Variants in CNTN5 observed in about 807,000 individuals in gnomAD.
CNTN5 encodes contactin-5.
CNTN5 carries 77 observed loss-of-function variants against 129.1 expected under a neutral mutation model. That is an observed-to-expected ratio of 0.60 (90% CI 0.50 to 0.72). CNTN5 has a LOEUF of 0.72. Ranked by LOEUF, CNTN5 falls within the 30% of genes least tolerant of loss-of-function variation. The pLI is 0.00. For missense variants in CNTN5, 1,478 were observed against 1,328.8 expected, an observed-to-expected ratio of 1.11 and a Z score of -1.75; for synonymous variants, 509 against 465.6, an observed-to-expected ratio of 1.09 and a Z score of -1.20.
intron 1 of CNTN5, among the ~76,000 whole-genome samples, chr11:99,151,654 A>C (rs2135489127): frequency 6.6e-6 from 1 of 152,326 alleles, no homozygotes; most frequent in Middle Eastern, 3.4e-3. Context: ...GAACCAACCC[A>C]AATGCCCATC....
intron 3 of CNTN5, among the ~76,000 whole-genome samples, chr11:99,627,212 C>G (rs765922182): frequency 5.3e-5 from 8 of 152,146 alleles, no homozygotes; most frequent in Non-Finnish European, 8.8e-5. Flanking sequence ...TGACTAGATT[C>G]TAGCAGCTAT....
intron 15 of CNTN5, among the ~76,000 whole-genome samples, chr11:100,214,042 T>C (rs1949088474): frequency 6.6e-6 from 1 of 152,144 alleles, no homozygotes; most frequent in African/African-American, 2.4e-5. Context: ...TATTTACTAG[T>C]ATTGCCAAAA....
At chr11:100,041,062 C>T (rs776508849) in intron 9 of CNTN5, among the ~76,000 whole-genome samples, 8 of 152,202 alleles carry the variant, frequency 5.3e-5, no homozygotes, top group Non-Finnish European at 7.3e-5. Flanking sequence ...CCATCTTCTG[C>T]GTCACTCACA....
At chr11:99,418,450 C>T (rs944675443) in intron 2 of CNTN5, among the ~76,000 whole-genome samples, 8 of 152,188 alleles carry the variant, frequency 5.3e-5, no homozygotes, top group South Asian at 4.1e-4. Context: ...GTGTTAAAAG[C>T]GCTCAAGTTC....
At chr11:99,249,924 G>C (rs1026526945) in intron 1 of CNTN5, among the ~76,000 whole-genome samples, 1 of 151,898 alleles carries the variant, frequency 6.6e-6, no homozygotes, top group Non-Finnish European at 1.5e-5. Flanking sequence ...CATTTAGATA[G>C]TTTATAGTAG....
At chr11:100,228,457 T>A (rs1949425869) in intron 16 of CNTN5, among the ~76,000 whole-genome samples, 2 of 152,228 alleles carry the variant, frequency 1.3e-5, no homozygotes, top group Non-Finnish European at 2.9e-5. Flanking sequence ...TGTCTTTCAA[T>A]TGAACTTCCT....
chr11:99,251,888 A>G (rs868391905), intron 1 of CNTN5, among the ~76,000 whole-genome samples: 5 of 152,080 alleles, frequency 3.3e-5, no homozygotes, highest in African/African-American at 9.7e-5. Flanking sequence ...AGAGATAAAT[A>G]TGATAGATAA....
At chr11:99,541,875 G>C (rs1255714430) in intron 2 of CNTN5, among the ~76,000 whole-genome samples, 1 of 149,098 alleles carries the variant, frequency 6.7e-6, no homozygotes, top group East Asian at 2.0e-4. Flanking sequence ...CTTGAACCTA[G>C]GAGATTGGGG....
intron 6 of CNTN5, 104 bp downstream of exon 6, chr11:99,845,366 C>CTTTTTTTTTTTTTTTTTTTTTTTTTTTT (rs869305728): frequency 1.2e-5 from 1 of 85,464 alleles, no homozygotes; most frequent in African/African-American, 5.0e-5. Flanking sequence ...GATCTCAAAT[C>CTTTTTTTTTTTTTTTTTTTTTTTTTTTT]TTTTTTTTTT....
chr11:99,433,613 G>A (rs149224572), intron 2 of CNTN5, among the ~76,000 whole-genome samples: 3 of 151,960 alleles, frequency 2.0e-5, no homozygotes, highest in East Asian at 1.9e-4. Flanking sequence ...AAGTATTGCC[G>A]AATACATCAA....
At chr11:99,055,182 T>A (rs1864580824) in intron 1 of CNTN5, among the ~76,000 whole-genome samples, 1 of 151,942 alleles carries the variant, frequency 6.6e-6, no homozygotes, top group Admixed American at 6.6e-5. Context: ...TAGTCAGTAA[T>A]CCCATTATGC....
chr11:99,679,654 C>A (rs1953465577), intron 3 of CNTN5, among the ~76,000 whole-genome samples: 3 of 152,158 alleles, frequency 2.0e-5, no homozygotes, highest in South Asian at 4.1e-4. Context: ...CCCTAAGAGA[C>A]AACACTATTG....
rs7945549 is a variant in CNTN5 at position 99,515,499 on chromosome 11, G to T, written c.-70-40646G>T. Among the ~76,000 whole-genome samples, 12 of 152,028 alleles carry T rather than the reference G, an allele frequency of 7.9e-5. No homozygotes were observed. In the East Asian group the frequency reaches 2.1e-3, roughly 27 times the overall value. On this transcript the variant is annotated intron_variant, in intron 2 of 24. Transcript: ENST00000524871. ...TGTCTTTTTCACCATTGTATTTCAT[G>T]CCTGCGTTGAGATTCTCATTTTATT...
chr11:99,783,572 A>C (rs1431434055), intron 3 of CNTN5, among the ~76,000 whole-genome samples: 16 of 104,988 alleles, frequency 1.5e-4, no homozygotes, highest in Non-Finnish European at 2.4e-4. Flanking sequence ...AACCAACCCA[A>C]ATGTCCAACA....
chr11:99,866,972 C>A (rs759371411), intron 6 of CNTN5, among the ~76,000 whole-genome samples: 2 of 152,140 alleles, frequency 1.3e-5, no homozygotes, highest in Non-Finnish European at 2.9e-5. Flanking sequence ...GAGGTTTTTA[C>A]AATTTTAGGT....
intron 7 of CNTN5, among the ~76,000 whole-genome samples, chr11:99,955,666 C>T (rs1374185793): frequency 6.6e-6 from 1 of 152,002 alleles, no homozygotes; most frequent in Admixed American, 6.6e-5. Context: ...TCAAGCCATT[C>T]TCCTGCCTCA....
At chr11:99,392,993 G>T (rs1052818024) in intron 2 of CNTN5, among the ~76,000 whole-genome samples, 2 of 151,790 alleles carry the variant, frequency 1.3e-5, no homozygotes, top group African/African-American at 4.8e-5. Flanking sequence ...GAGTAAGATT[G>T]TCTATTGGAG....
chr11:100,287,457 A>G (rs1950823774), intron 18 of CNTN5, among the ~76,000 whole-genome samples: 1 of 151,374 alleles, frequency 6.6e-6, no homozygotes, highest in Non-Finnish European at 1.5e-5. Context: ...AATATTCAAC[A>G]TTCTTAAAGG....
chr11:99,621,714 ATTTCT>A (rs1383229290), intron 3 of CNTN5, among the ~76,000 whole-genome samples: 6 of 152,172 alleles, frequency 3.9e-5, no homozygotes, highest in Admixed American at 3.9e-4. Context: ...CAACTGTAAC[ATTTCT>A]TTATTAACCT....
Sources: gnomAD v4.1 joint callset for allele counts (sites outside exome capture counted in the v4.1 genomes callset) on GRCh38, gnomAD v4.1.1 for gene constraint, MANE v1.5 for transcripts, NCBI Gene and HGNC (gene_info 2026-07-23, HGNC 2026-07-21) for gene names.